NREP: variants seen among roughly 807,000 people sequenced by gnomAD.
NREP encodes the protein neuronal regeneration related protein.
In NREP, 5 loss-of-function variants were observed where a neutral mutation model predicts 8.6. That is an observed-to-expected ratio of 0.58 (90% CI 0.30 to 1.22). The LOEUF (loss-of-function observed/expected upper bound fraction) is 1.22. Ranked by LOEUF, NREP falls within the 50% of genes most tolerant of loss-of-function variation. NREP has a pLI of 0.07. For missense variants in NREP, 86 were observed against 82.5 expected (o/e 1.04, Z -0.17); for synonymous variants, 27 against 28.0 (o/e 0.96, Z 0.11).
intron 2 of NREP, among the ~76,000 whole-genome samples, chr5:111,878,618 T>C (rs981917794): frequency 2.6e-5 from 4 of 152,086 alleles, no homozygotes; most frequent in African/African-American, 9.7e-5. Context: ...CATGGCATAG[T>C]TTTAGATTTT....
chr5:111,957,961 C>T (rs1262119070), intron 2 of NREP, among the ~76,000 whole-genome samples: 1 of 151,760 alleles, frequency 6.6e-6, no homozygotes, highest in Non-Finnish European at 1.5e-5. Flanking sequence ...CAACAATACC[C>T]ATTCATGATT....
intron 2 of NREP, among the ~76,000 whole-genome samples, chr5:111,937,771 C>T (rs1755723487): frequency 6.6e-6 from 1 of 152,012 alleles, no homozygotes; most frequent in Non-Finnish European, 1.5e-5. Flanking sequence ...TTCCCTCTTC[C>T]TGTCCCACCA....
chr5:111,876,532 C>A (rs1753913976), intron 2 of NREP, among the ~76,000 whole-genome samples: 1 of 152,158 alleles, frequency 6.6e-6, no homozygotes, highest in Non-Finnish European at 1.5e-5. Flanking sequence ...CAGACAGTCA[C>A]AGGAATAGGA....
At chr5:111,770,823 G>C (rs2112872752) in intron 2 of NREP, among the ~76,000 whole-genome samples, 1 of 152,124 alleles carries the variant, frequency 6.6e-6, no homozygotes, top group South Asian at 2.1e-4. Flanking sequence ...ACCCGCCTCA[G>C]CCTTTCAAAG....
intron 2 of NREP, among the ~76,000 whole-genome samples, chr5:111,953,356 G>C (rs1756218757): frequency 6.6e-6 from 1 of 152,092 alleles, no homozygotes; most frequent in Non-Finnish European, 1.5e-5. Context: ...GTTTCCTTTT[G>C]AACACTCTAT....
intron 2 of NREP, among the ~76,000 whole-genome samples, chr5:111,966,735 C>G (rs149300620): frequency 7.2e-5 from 11 of 152,244 alleles, no homozygotes; most frequent in Admixed American, 2.0e-4. Context: ...TATACTTAAG[C>G]ATTTATTTAA....
chr5:111,858,081 T>C (rs1753464477), intron 2 of NREP, among the ~76,000 whole-genome samples: 1 of 152,194 alleles, frequency 6.6e-6, no homozygotes, highest in Non-Finnish European at 1.5e-5. Context: ...AATGGTTCTC[T>C]GAGTTTCCTA....
intron 2 of NREP, among the ~76,000 whole-genome samples, chr5:111,769,330 T>G (rs1418376600): frequency 6.6e-6 from 1 of 152,204 alleles, no homozygotes; most frequent in African/African-American, 2.4e-5. Context: ...TGGAACTTAA[T>G]TCTATAATTA....
intron 2 of NREP, among the ~76,000 whole-genome samples, chr5:111,858,067 G>C (rs1205274666): frequency 6.6e-6 from 1 of 152,068 alleles, no homozygotes; most frequent in Non-Finnish European, 1.5e-5. Flanking sequence ...AAATGACAGG[G>C]AGCAATGGTT....
intron 2 of NREP, among the ~76,000 whole-genome samples, chr5:111,880,677 G>A (rs1181556288): frequency 1.3e-5 from 2 of 149,662 alleles, no homozygotes; most frequent in East Asian, 2.0e-4. Flanking sequence ...CTTAACATAT[G>A]AATGGATTAC....
At chr5:111,889,158 C>G (rs943027352) in intron 2 of NREP, among the ~76,000 whole-genome samples, 1 of 152,192 alleles carries the variant, frequency 6.6e-6, no homozygotes, top group Admixed American at 6.5e-5. Context: ...GTTCTGCAGG[C>G]TGTACAGAAA....
At position 111,852,776 on chromosome 5, in the gene NREP, A is replaced by G. The variant is rs1401747472; in HGVS notation, c.136-117269T>C. Among the ~76,000 whole-genome samples the G allele has an allele frequency of 3.9e-5, 6 of 152,282 alleles. No individual in the cohort carries two copies. In the South Asian group the frequency reaches 6.2e-4, roughly 16 times the overall value. The stretch of plus-strand genomic sequence containing the variant: ...TGTTTTTGGAGTGTACAAGCAGGAC[A>G]TTAAACCATTACAAGTGGACACTGG... On this transcript the variant is annotated intron_variant, in intron 2 of 3. Coordinates refer to the NREP transcript ENST00000395634.
intron 2 of NREP, among the ~76,000 whole-genome samples, chr5:111,962,021 C>G (rs1334352224): frequency 6.6e-6 from 1 of 152,130 alleles, no homozygotes; most frequent in African/African-American, 2.4e-5. Flanking sequence ...AGGCTCCAGT[C>G]AAGTGTTGAG....
intron 2 of NREP, among the ~76,000 whole-genome samples, chr5:111,895,994 G>A (rs1411921950): frequency 6.6e-6 from 1 of 152,152 alleles, no homozygotes; most frequent in Non-Finnish European, 1.5e-5. Flanking sequence ...TATAGCTCAT[G>A]GTAAAGAGTT....
At chr5:111,863,583 C>A (rs1018772025) in intron 2 of NREP, among the ~76,000 whole-genome samples, 8 of 151,650 alleles carry the variant, frequency 5.3e-5, no homozygotes, top group Non-Finnish European at 1.0e-4. Context: ...AGTTTGAGGG[C>A]AGGATAATAA....
chr5:111,760,274 G>C (rs958134531), upstream of NREP, among the ~76,000 whole-genome samples: 1 of 152,140 alleles, frequency 6.6e-6, no homozygotes, highest in Admixed American at 6.5e-5. Flanking sequence ...ATGTTCCAAG[G>C]GGTCAGGGAG....
intron 2 of NREP, among the ~76,000 whole-genome samples, chr5:111,870,505 T>C (rs1211972621): frequency 1.3e-5 from 2 of 152,192 alleles, no homozygotes; most frequent in Admixed American, 6.5e-5. Flanking sequence ...GCATGATTAA[T>C]TTTTAAAAAT....
At chr5:111,976,683 A>G (rs763122501) in intron 1 of NREP, 2 of 1,542,224 alleles carry the variant, frequency 1.3e-6, no homozygotes, top group African/African-American at 1.4e-5. Context: ...CCTCATATGC[A>G]TACACAGTAA....
chr5:111,745,350 T>C (rs1402931634), intron 2 of NREP, among the ~76,000 whole-genome samples: 1 of 152,210 alleles, frequency 6.6e-6, no homozygotes, highest in Non-Finnish European at 1.5e-5. Context: ...GTAACAACTT[T>C]GGCTTGGCCA....
Sources: allele counts gnomAD v4.1 joint callset (sites outside exome capture counted in the v4.1 genomes callset), GRCh38; gene constraint gnomAD v4.1.1; transcripts MANE v1.5; gene names NCBI Gene and HGNC (gene_info 2026-07-23, HGNC 2026-07-21).